Variants in VTI1A observed in about 807,000 individuals in gnomAD.
VTI1A encodes the protein vesicle transport through interaction with t-SNAREs 1A.
A neutral mutation model predicts 34.9 loss-of-function variants in VTI1A; 22 were observed. The observed-to-expected ratio is 0.63, with a 90% CI of 0.45 to 0.90. The LOEUF is 0.90. VTI1A is among the 40% of genes least tolerant of loss of function. The pLI is 0.00. For synonymous variants in VTI1A, 87 were observed against 97.3 expected, an observed-to-expected ratio of 0.89 and a Z score of 0.62; for missense variants, 268 against 275.6, an observed-to-expected ratio of 0.97 and a Z score of 0.20.
Position 112,608,711 on chromosome 10 carries a change from T to C in VTI1A, c.428-59507T>C, listed in dbSNP as rs575747884. Among the ~76,000 whole-genome samples, 7 of 152,302 alleles carry C rather than the reference T, an allele frequency of 4.6e-5. No individual in the cohort carries two copies. In the South Asian group the frequency reaches 6.2e-4, roughly 14 times the overall value. On this transcript the variant is annotated intron_variant, in intron 5 of 7. Transcript: ENST00000393077. ...AGATTTTAATATTTGAAAACAATTC[T>C]ATTCACTGGAATTTCAGCAGTTAAA... is the stretch of plus-strand genomic sequence containing the variant.
chr10:112,610,740 C>A (rs979641270), intron 5 of VTI1A, among the ~76,000 whole-genome samples: 17 of 152,060 alleles, frequency 1.1e-4, no homozygotes, highest in African/African-American at 3.9e-4. Flanking sequence ...CATGGTGAAA[C>A]CCCGTCTCTA....
chr10:112,549,960 T>C (rs1851286769), intron 5 of VTI1A, among the ~76,000 whole-genome samples: 1 of 152,218 alleles, frequency 6.6e-6, no homozygotes, highest in Non-Finnish European at 1.5e-5. Flanking sequence ...TGAGGTCCTC[T>C]GAGGTATTGG....
intron 3 of VTI1A, among the ~76,000 whole-genome samples, chr10:112,518,629 G>T (rs7475468): frequency 7.7e-6 from 1 of 129,640 alleles, no homozygotes; most frequent in Non-Finnish European, 1.6e-5. Context: ...GTGTGTATGT[G>T]TATATATATG....
chr10:112,830,850 T>TATATATATATATATATA, the VTI1A span, among the ~76,000 whole-genome samples: 52 of 29,754 alleles, frequency 1.7e-3, 1 homozygote, highest in African/African-American at 3.0e-3. Context: ...TATATATATA[T>TATATATATATATATATA]TTTTTTTTTT....
intron 5 of VTI1A, among the ~76,000 whole-genome samples, chr10:112,621,600 C>T (rs78523536): frequency 0.062 from 9,437 of 152,226 alleles, 390 homozygotes; most frequent in Non-Finnish European, 0.094. Context: ...ATCTGGGAAC[C>T]ATTCCACCAC....
chr10:112,647,365 A>T (rs145110948), intron 5 of VTI1A, among the ~76,000 whole-genome samples: 46 of 152,340 alleles, frequency 3.0e-4, no homozygotes, highest in Admixed American at 9.1e-4. Flanking sequence ...GAATCCATAG[A>T]TATAATCAGA....
chr10:112,734,300 G>C (rs984951899), intron 7 of VTI1A, among the ~76,000 whole-genome samples: 2 of 152,048 alleles, frequency 1.3e-5, no homozygotes, highest in African/African-American at 4.8e-5. Flanking sequence ...ACATTAGACT[G>C]TTCGGGGGTC....
intron 3 of VTI1A, among the ~76,000 whole-genome samples, chr10:112,517,466 C>T (rs1849822737): frequency 6.6e-6 from 1 of 152,018 alleles, no homozygotes; most frequent in South Asian, 2.1e-4. Context: ...TGTAGATACT[C>T]CGCCCTCAAG....
At chr10:112,620,589 G>A (rs1209526971) in intron 5 of VTI1A, among the ~76,000 whole-genome samples, 1 of 152,020 alleles carries the variant, frequency 6.6e-6, no homozygotes, top group Non-Finnish European at 1.5e-5. Flanking sequence ...TCAGGAGTTC[G>A]AGACCAGCCT....
intron 5 of VTI1A, among the ~76,000 whole-genome samples, chr10:112,556,819 TCTA>T (rs1244228762): frequency 6.6e-6 from 1 of 152,040 alleles, no homozygotes; most frequent in African/African-American, 2.4e-5. Flanking sequence ...AAATAAACCT[TCTA>T]CTATTAATTT....
chr10:112,703,392 A>G (rs905587213), intron 7 of VTI1A, among the ~76,000 whole-genome samples: 2 of 151,992 alleles, frequency 1.3e-5, no homozygotes, highest in African/African-American at 4.8e-5. Context: ...ACATGGAGAA[A>G]CCCCATCTCT....
intron 7 of VTI1A, among the ~76,000 whole-genome samples, chr10:112,710,335 G>T (rs1849369801): frequency 6.6e-6 from 1 of 151,558 alleles, no homozygotes; most frequent in African/African-American, 2.4e-5. Context: ...GGCCTCCCAA[G>T]TAGCTGGGAT....
At chr10:112,619,674 G>A (rs1288806207) in intron 5 of VTI1A, among the ~76,000 whole-genome samples, 1 of 152,102 alleles carries the variant, frequency 6.6e-6, no homozygotes, top group African/African-American at 2.4e-5. Context: ...CATTCTCCTC[G>A]TGACTAGACA....
At chr10:112,478,725 T>C (rs1848363304) in intron 3 of VTI1A, among the ~76,000 whole-genome samples, 1 of 152,122 alleles carries the variant, frequency 6.6e-6, no homozygotes, top group Admixed American at 6.6e-5. Flanking sequence ...CATATTATTT[T>C]ATATCATTTT....
At chr10:112,596,625 T>A (rs1056655456) in intron 5 of VTI1A, among the ~76,000 whole-genome samples, 1 of 152,146 alleles carries the variant, frequency 6.6e-6, no homozygotes, top group African/African-American at 2.4e-5. Context: ...TTATACCAAA[T>A]TTTCCTCCAA....
At chr10:112,696,253 T>C (rs111973486) in intron 7 of VTI1A, among the ~76,000 whole-genome samples, 1 of 152,106 alleles carries the variant, frequency 6.6e-6, no homozygotes, top group African/African-American at 2.4e-5. Flanking sequence ...GAGCCTTCAG[T>C]GAAATTGACC....
intron 1 of VTI1A, 111 bp downstream of exon 1, chr10:112,447,578 G>T: frequency 8.0e-7 from 1 of 1,247,318 alleles, no homozygotes; most frequent in African/African-American, 1.5e-5. Flanking sequence ...GGAGTGGGTG[G>T]TGCCGGCTGT....
chr10:112,840,723 T>G, the VTI1A span, among the ~76,000 whole-genome samples: 1 of 152,176 alleles, frequency 6.6e-6, no homozygotes, highest in South Asian at 2.1e-4. Context: ...ACTAGACCCC[T>G]GGGGGGAAAG....
In VTI1A at chr10:112,623,518, T is replaced by A. The variant is rs1469137800; in HGVS notation, c.428-44700T>A. ...GATATCTCAGCCATTATCCTCAGCC[T>A]GCTGGCTGAGAACTCTCTTTGGATC... On this transcript the variant is annotated intron_variant, in intron 5 of 7. Transcript: ENST00000393077. Among the ~76,000 whole-genome samples the A allele has an allele frequency of 2.0e-5, 3 of 151,394 alleles. No homozygotes were observed. In the East Asian group the frequency reaches 5.8e-4, roughly 29 times the overall value.
Sources: gnomAD v4.1 joint callset for allele counts (sites outside exome capture counted in the v4.1 genomes callset) on GRCh38, gnomAD v4.1.1 for gene constraint, MANE v1.5 for transcripts, NCBI Gene and HGNC (gene_info 2026-07-23, HGNC 2026-07-21) for gene names.